The following PIM3 variants were observed in gnomAD, a reference collection of about 807,000 sequenced individuals.
PIM3 encodes Pim-3 proto-oncogene, serine/threonine kinase, also known as serine/threonine-protein kinase pim-3.
Under a neutral mutation model 27.5 loss-of-function variants are expected in PIM3, and 13 were observed. The observed-to-expected ratio is 0.47, with a 90% CI of 0.31 to 0.75. The LOEUF (loss-of-function observed/expected upper bound fraction) is 0.75, where lower values mean the gene tolerates loss of function less well. Among genes scored for constraint, PIM3 ranks in the 30% least tolerant of loss-of-function variants. PIM3 has a pLI of 0.05. For synonymous variants in PIM3, 341 were observed against 221.1 expected (o/e 1.54, Z -4.81); for missense variants, 482 against 476.9 (o/e 1.01, Z -0.10).
intron 4 of PIM3, 121 bp downstream of exon 4, chr22:49,961,932 CGTG>C: frequency 7.0e-7 from 1 of 1,431,472 alleles, no homozygotes; most frequent in Non-Finnish European, 9.4e-7. Context: ...GGTCTGCTCT[CGTG>C]GGGAGCAGAG....
chr22:49,962,981 T>A lies in PIM3; in HGVS notation c.835T>A (p.Ser279Thr), dbSNP rs774002494. 6.2e-7 allele frequency: 1 copy of A among 1,610,330 alleles called. No individual in the cohort carries two copies. ...CCGGTGGTGCCTGTCCCTGCGGCCC[T>A]CAGAGCGGCCGTCGCTGGATCAGAT... ...LIRWCLSLRPSERPSLDQIAA... is the reference protein window; with the variant it reads ...LIRWCLSLRPTERPSLDQIAA... Residue 279 changes from serine (S) to threonine (T), a missense_variant, in exon 6 of 6, where the codon TCA becomes ACA. Ser to Thr is a moderately conservative substitution (Grantham distance 58). Transcript: ENST00000360612.
In PIM3 at chr22:49,962,743, G is replaced by A. The variant is rs2060915390; in HGVS notation, c.671G>A (p.Arg224His). ...ATCCGCTACCACCGCTACCACGGGC[G>A]CTCGGCCACCGTGTGGTCGCTGGGC... ...EWIRYHRYHGRSATVWSLGVL... is the reference protein window; with the variant it reads ...EWIRYHRYHGHSATVWSLGVL... Residue 224 changes from arginine to histidine, a missense_variant, in exon 5 of 6, where the codon CGC becomes CAC. Arg to His is a conservative substitution (Grantham distance 29). Coordinates refer to ENST00000360612, the MANE Select transcript of PIM3 (RefSeq NM_001001852.4). The A allele has an allele frequency of 6.2e-7, 1 of 1,612,716 alleles. No individual in the cohort carries two copies. Among genetic ancestry groups the A allele is most frequent in the Non-Finnish European group, 8.5e-7 (1 of 1,179,942 alleles).
rs1383625580 is a variant in PIM3 at position 49,961,247 on chromosome 22, G to T, written c.195+13G>T. Reference sequence around the variant, plus strand: ...CGACGGGCTCCCGGTGAGTCGGACCGCCGGGCGGGCCCGGGTTTCTCGCGC... The same window carrying T: ...CGACGGGCTCCCGGTGAGTCGGACCTCCGGGCGGGCCCGGGTTTCTCGCGC... On this transcript the variant is annotated intron_variant, in intron 2 of 5. Coordinates refer to ENST00000360612, the MANE Select transcript of PIM3 (RefSeq NM_001001852.4). 1.3e-6 allele frequency: 2 copies of T among 1,533,402 alleles called. No homozygotes were observed. Among genetic ancestry groups the T allele is most frequent in the South Asian group, 2.4e-5 (2 of 82,596 alleles). The allele number at this position is 1,533,402 out of a possible 1,614,324, so 95.0% of individuals were successfully genotyped here. A position where few individuals can be genotyped will look rare whatever the true frequency, so the allele number is the denominator to read the frequency against.
At chr22:49,961,949 C>T (rs1381432176) in intron 4 of PIM3, 138 bp downstream of exon 4, 19 of 1,309,094 alleles carry the variant, frequency 1.5e-5, no homozygotes, top group Admixed American at 5.1e-5. Flanking sequence ...AGCAGAGGCC[C>T]ACGCGCTACC....
chr22:49,961,088 C>T (rs2146703174), intron 1 of PIM3, 37 bp from the exon 2 acceptor site: 1 of 1,401,520 alleles, frequency 7.1e-7, no homozygotes. Context: ...CCGGGGGCGC[C>T]CCGGGCCGCA....
At chr22:49,961,278 G>C in intron 2 of PIM3, 40 bp from the exon 3 acceptor site, 1 of 1,540,986 alleles carries the variant, frequency 6.5e-7, no homozygotes, top group Admixed American at 2.0e-5. Context: ...CGCGCGCCTT[G>C]CGCCTCGCTT....
At chr22:49,961,421 G>C in intron 3 of PIM3, 21 bp from the exon 4 acceptor site, 3 of 1,415,980 alleles carry the variant, frequency 2.1e-6, no homozygotes, top group Non-Finnish European at 2.8e-6. Context: ...CGGGGCTTTT[G>C]CTGACCGCCG....
chr22:49,962,588 C>G (rs1449302518), intron 4 of PIM3, 101 bp from the exon 5 acceptor site: 24 of 1,322,266 alleles, frequency 1.8e-5, no homozygotes, highest in African/African-American at 3.0e-5. Context: ...CCTGGCTCTG[C>G]TTCCTGTTAC....
In PIM3 at chr22:49,961,502, G is replaced by A; in HGVS notation, c.307G>A (p.Ala103Thr). ...GCGCAAGGTGGGCGCGGCGGGCGGC[G>A]CGCGCGGCGTCATCCGCCTGCTGGA... The part of the protein sequence containing the change: ...LLRKVGAAGG[A>T]RGVIRLLDWF... Residue 103 changes from alanine to threonine, a missense_variant, in exon 4 of 6, where the codon GCG becomes ACG. Coordinates refer to ENST00000360612, the MANE Select transcript of PIM3 (RefSeq NM_001001852.4). 6.7e-7 allele frequency: 1 copy of A among 1,496,838 alleles called. No individual in the cohort carries two copies. Among genetic ancestry groups the A allele is most frequent in the South Asian group, 1.3e-5 (1 of 77,838 alleles). 92.7% of individuals were successfully genotyped at this position (1,496,838 alleles called of 1,614,324 possible).
Position 49,963,076 on chromosome 22 carries a change from C to T in PIM3, c.930C>T (p.Thr310=), listed in dbSNP as rs1304857696. 4 of 1,611,316 alleles carry T rather than the reference C, an allele frequency of 2.5e-6. No homozygotes were observed. The highest frequency in any genetic ancestry group is 1.1e-5 in the South Asian group (1 of 90,904). Residue 310 remains threonine (T), a synonymous_variant, in exon 6 of 6, where the codon ACC becomes ACT. Coordinates refer to ENST00000360612, the MANE Select transcript of PIM3 (RefSeq NM_001001852.4). ...AGAGCTGTGACCTGCGGCTGTGCAC[C>T]CTCGACCCTGATGACGTGGCCAGCA... The part of the protein sequence containing the change: ...VPESCDLRLC[T]LDPDDVASTT...
intron 4 of PIM3, among the ~76,000 whole-genome samples, chr22:49,962,061 C>T (rs1171109463): frequency 6.6e-6 from 1 of 152,100 alleles, no homozygotes; most frequent in Non-Finnish European, 1.5e-5. Context: ...GGTACGGGGC[C>T]TCTTGCCCCG....
intron 4 of PIM3, among the ~76,000 whole-genome samples, chr22:49,962,230 C>T (rs1456480560): frequency 6.6e-6 from 1 of 151,316 alleles, no homozygotes; most frequent in Non-Finnish European, 1.5e-5. Context: ...GCCTCCCCTG[C>T]GTGGGGGCGG....
In PIM3 at chr22:49,960,943, C is replaced by T. The variant is rs779234700; in HGVS notation, c.-5C>T. 4 of 1,328,934 alleles carry T rather than the reference C, an allele frequency of 3.0e-6. No individual in the cohort carries two copies. The highest frequency in any genetic ancestry group is 3.7e-5 in the East Asian group (1 of 27,190). The allele number at this position is 1,328,934 out of a possible 1,614,324, so 82.3% of individuals were successfully genotyped here. On this transcript the variant is annotated 5_prime_UTR_variant, in exon 1 of 6. Coordinates refer to ENST00000360612, the MANE Select transcript of PIM3 (RefSeq NM_001001852.4). ...CTCGGGGCTCCGGGGAGGCCGTCGC[C>T]CGCGATGCTGCTCTCCAAGTTCGGC...
At chr22:49,962,273 C>G (rs1449176512) in intron 4 of PIM3, among the ~76,000 whole-genome samples, 1 of 151,752 alleles carries the variant, frequency 6.6e-6, no homozygotes, top group East Asian at 2.0e-4. Flanking sequence ...GGGGGCGCGG[C>G]GGCAGAAATC....
intron 1 of PIM3, 29 bp from the exon 2 acceptor site, chr22:49,961,096 G>C: frequency 1.4e-6 from 2 of 1,430,084 alleles, no homozygotes; most frequent in South Asian, 2.8e-5. Context: ...GCCCCGGGCC[G>C]CACCAACCCC....
In PIM3 at chr22:49,963,767, C is replaced by G. The variant is rs1383670728; in HGVS notation, c.*640C>G. On this transcript the variant is annotated 3_prime_UTR_variant, in exon 6 of 6. Transcript: ENST00000360612. ...CTGATTCCTGTGCCTGGCGTCTGTC[C>G]CGGCCCCGCCTGTCAGAAGATGAAC... The G allele has an allele frequency of 6.6e-6, 1 of 152,376 alleles. No homozygotes were observed. Among genetic ancestry groups the G allele is most frequent in the Non-Finnish European group, 1.5e-5 (1 of 68,062 alleles). The allele number at this position is 152,376 out of a possible 1,614,324, so 9.4% of individuals were successfully genotyped here.
Position 49,961,244 on chromosome 22 carries a change from A to T in PIM3, c.195+10A>T. 1 of 1,533,674 alleles carries T rather than the reference A, an allele frequency of 6.5e-7. No individual in the cohort carries two copies. The highest frequency in any genetic ancestry group is 8.7e-7 in the Non-Finnish European group (1 of 1,144,602). ...CGCCGACGGGCTCCCGGTGAGTCGG[A>T]CCGCCGGGCGGGCCCGGGTTTCTCG... On this transcript the variant is annotated intron_variant, in intron 2 of 5. Transcript: ENST00000360612.
intron 5 of PIM3, 22 bp from the exon 6 acceptor site, chr22:49,962,918 C>G: frequency 6.3e-7 from 1 of 1,599,060 alleles, no homozygotes; most frequent in South Asian, 1.1e-5. Context: ...TGGGCCCTCC[C>G]TGACCTCTCC....
Position 49,960,913 on chromosome 22 carries a change from T to G in PIM3, c.-35T>G. 8.2e-7 allele frequency: 1 copy of G among 1,226,966 alleles called. No homozygotes were observed. 76.0% of individuals were successfully genotyped at this position (1,226,966 alleles called of 1,614,324 possible). Reference sequence around the variant, plus strand: ...CCGGATCGGCCGCGGCTTCGGCGCCTGGGGCTCGGGGCTCCGGGGAGGCCG... The same window carrying G: ...CCGGATCGGCCGCGGCTTCGGCGCCGGGGGCTCGGGGCTCCGGGGAGGCCG... On this transcript the variant is annotated 5_prime_UTR_variant, in exon 1 of 6. Transcript: ENST00000360612.
Sources: gnomAD v4.1 joint callset for allele counts (sites outside exome capture counted in the v4.1 genomes callset) on GRCh38, gnomAD v4.1.1 for gene constraint, MANE v1.5 for transcripts, NCBI Gene and HGNC (gene_info 2026-07-23, HGNC 2026-07-21) for gene names.